The following CECR2 variants were observed in gnomAD, a reference collection of about 807,000 sequenced individuals.
The protein encoded by CECR2 is CECR2 histone acetyl-lysine reader, also known as chromatin remodeling regulator CECR2.
CECR2 carries 30 observed loss-of-function variants against 154.5 expected under a neutral mutation model. That is an observed-to-expected ratio of 0.19 (90% CI 0.15 to 0.26). CECR2 has a LOEUF of 0.26. Ranked by LOEUF, CECR2 falls within the 10% of genes least tolerant of loss-of-function variation. The pLI is 1.00. For missense variants in CECR2, 1,743 were observed against 1,829.3 expected, an observed-to-expected ratio of 0.95 and a Z score of 0.86; for synonymous variants, 725 against 683.7, an observed-to-expected ratio of 1.06 and a Z score of -0.94.
rs1477953039 is a variant in CECR2 at position 17,503,123 on chromosome 22, C to G, written c.692C>G (p.Thr231Arg). ...AATTCCTTGGCATCCGAGCCACAGA[C>G]AAGACATGGTAATGTTCTTTACTGG... ...EENSLASEPQ[T>R]RHGSQGPGQG... The change falls in exon 6 of 19, where the codon ACA (threonine) becomes AGA (arginine). Residue 231 changes from threonine to arginine, a missense_variant. This residue lies in a region of CECR2 where 292 missense variants were observed against 301.2 expected (regional missense o/e 0.97). Coordinates refer to ENST00000262608, the MANE Select transcript of CECR2 (RefSeq NM_001290047.2). 6.2e-7 allele frequency: 1 copy of G among 1,612,060 alleles called. No homozygotes were observed. Among genetic ancestry groups the G allele is most frequent in the Admixed American group, 1.7e-5 (1 of 59,768 alleles).
intron 1 of CECR2, among the ~76,000 whole-genome samples, chr22:17,438,721 G>A (rs1021664780): frequency 4.6e-5 from 7 of 151,996 alleles, no homozygotes; most frequent in Non-Finnish European, 7.4e-5. Flanking sequence ...GTGGGCCAGG[G>A]AAGCCAAAAG....
Position 17,555,570 on chromosome 22 carries a change from C to T in CECR2, c.*2730C>T, listed in dbSNP as rs2056763801. ...CCCACCCATCCCCAAGCAGGATCTT[C>T]TTCTCACCTTTTCTTCCTCCTCTAG... is the stretch of plus-strand genomic sequence containing the variant. On this transcript the variant is annotated 3_prime_UTR_variant, in exon 19 of 19. Coordinates refer to ENST00000262608, the MANE Select transcript of CECR2 (RefSeq NM_001290047.2). The T allele has an allele frequency of 6.6e-6, 1 of 152,286 alleles. No homozygotes were observed. The highest frequency in any genetic ancestry group is 1.5e-5 in the Non-Finnish European group (1 of 68,074). 9.4% of individuals were successfully genotyped at this position (152,286 alleles called of 1,614,324 possible).
chr22:17,520,415 G>C (rs1423564654), intron 8 of CECR2, among the ~76,000 whole-genome samples: 2 of 151,784 alleles, frequency 1.3e-5, no homozygotes, highest in African/African-American at 4.8e-5. Flanking sequence ...TTTATTGTAA[G>C]TAGGATTTTT....
intron 2 of CECR2, among the ~76,000 whole-genome samples, chr22:17,481,363 A>T (rs1018787317): frequency 3.6e-5 from 5 of 137,760 alleles, no homozygotes; most frequent in African/African-American, 1.4e-4. Flanking sequence ...AAAAAAAAAA[A>T]GTAACTTCAT....
intron 1 of CECR2, among the ~76,000 whole-genome samples, chr22:17,381,881 C>T (rs1001796679): frequency 7.2e-6 from 1 of 139,432 alleles, no homozygotes; most frequent in African/African-American, 3.1e-5. Flanking sequence ...AGAGAGCCCC[C>T]ACATTTTTTT....
At chr22:17,465,895 A>G (rs1850899917) in intron 1 of CECR2, among the ~76,000 whole-genome samples, 1 of 152,202 alleles carries the variant, frequency 6.6e-6, no homozygotes, top group Non-Finnish European at 1.5e-5. Flanking sequence ...CTGGGATTAC[A>G]GGCATGAGCC....
chr22:17,440,144 GAA>G (rs2146663636), intron 1 of CECR2, among the ~76,000 whole-genome samples: 1 of 152,014 alleles, frequency 6.6e-6, no homozygotes, highest in East Asian at 1.9e-4. Flanking sequence ...AAAAAGGAAA[GAA>G]AATTGTATAC....
intron 2 of CECR2, among the ~76,000 whole-genome samples, chr22:17,485,502 T>G (rs2055404376): frequency 6.6e-6 from 1 of 152,206 alleles, no homozygotes; most frequent in Non-Finnish European, 1.5e-5. Flanking sequence ...GCGTGGTGGC[T>G]CACGCCTGTA....
At chr22:17,397,744 G>T (rs1164695265) in intron 1 of CECR2, among the ~76,000 whole-genome samples, 1 of 152,136 alleles carries the variant, frequency 6.6e-6, no homozygotes, top group African/African-American at 2.4e-5. Context: ...TGATCCGCCC[G>T]CCTCGGCCTC....
intron 1 of CECR2, among the ~76,000 whole-genome samples, chr22:17,464,669 A>T (rs554060783): frequency 5.3e-5 from 8 of 152,056 alleles, no homozygotes; most frequent in Admixed American, 2.0e-4. Flanking sequence ...CTAGCTAATT[A>T]AAAAAATTTC....
intron 12 of CECR2, 79 bp from the exon 13 acceptor site, chr22:17,538,914 T>G (rs2056478368): frequency 6.6e-7 from 1 of 1,511,098 alleles, no homozygotes; most frequent in Admixed American, 1.9e-5. Flanking sequence ...GAATTCTCAT[T>G]ATCTCTCTGT....
At chr22:17,449,643 C>T (rs1415957784) in intron 1 of CECR2, among the ~76,000 whole-genome samples, 3 of 151,950 alleles carry the variant, frequency 2.0e-5, no homozygotes, top group Non-Finnish European at 4.4e-5. Context: ...GCGCCCGCCA[C>T]CACGCCCGGC....
chr22:17,455,582 G>A (rs575591753), intron 1 of CECR2, among the ~76,000 whole-genome samples: 3 of 152,032 alleles, frequency 2.0e-5, no homozygotes, highest in South Asian at 2.1e-4. Context: ...TATGGTGTAC[G>A]CAACTTGGCA....
intron 2 of CECR2, among the ~76,000 whole-genome samples, chr22:17,495,633 C>T (rs1057080346): frequency 1.5e-3 from 221 of 148,354 alleles, no homozygotes; most frequent in African/African-American, 5.3e-3. Context: ...GAGGCCGAGG[C>T]GGGTGGATCA....
chr22:17,439,811 G>C (rs1473351175), intron 1 of CECR2, among the ~76,000 whole-genome samples: 1 of 152,196 alleles, frequency 6.6e-6, no homozygotes, highest in Non-Finnish European at 1.5e-5. Context: ...GTGGTTCTGT[G>C]TGGCCTAAAA....
chr22:17,525,523 T>C (rs958442769), intron 9 of CECR2, among the ~76,000 whole-genome samples: 2 of 152,002 alleles, frequency 1.3e-5, no homozygotes, highest in Admixed American at 6.6e-5. Flanking sequence ...GGAGAATTGC[T>C]TGAACCCCGG....
chr22:17,365,383 A>G (rs1436248151), upstream of CECR2, among the ~76,000 whole-genome samples: 1 of 152,202 alleles, frequency 6.6e-6, no homozygotes, highest in Non-Finnish European at 1.5e-5. Flanking sequence ...TGTATTTCCC[A>G]AAGAAACAAT....
chr22:17,437,043 A>G (rs2054516461), intron 1 of CECR2, among the ~76,000 whole-genome samples: 1 of 152,098 alleles, frequency 6.6e-6, no homozygotes, highest in Non-Finnish European at 1.5e-5. Context: ...TGACTTGGGG[A>G]GAACTGGCCT....
At chr22:17,380,842 G>A (rs546147880) in intron 1 of CECR2, among the ~76,000 whole-genome samples, 2 of 152,258 alleles carry the variant, frequency 1.3e-5, no homozygotes, top group Admixed American at 6.5e-5. Flanking sequence ...TCTCCTGGCC[G>A]GTTCCTTTTA....
Sources: allele counts gnomAD v4.1 joint callset (sites outside exome capture counted in the v4.1 genomes callset), GRCh38; gene constraint gnomAD v4.1.1; regional missense constraint gnomAD v4.1.1; transcripts MANE v1.5; gene names NCBI Gene and HGNC (gene_info 2026-07-23, HGNC 2026-07-21).